Variants in P4HA1 observed in about 807,000 individuals in gnomAD.
The protein encoded by P4HA1 is prolyl 4-hydroxylase subunit alpha 1.
In P4HA1, 24 loss-of-function variants were observed where a neutral mutation model predicts 72.8. The observed-to-expected ratio is 0.33, with a 90% CI of 0.24 to 0.46. The LOEUF (loss-of-function observed/expected upper bound fraction) is 0.46. Among genes scored for constraint, P4HA1 ranks in the 20% least tolerant of loss-of-function variants. P4HA1 has a pLI of 1.00. For synonymous variants in P4HA1, 201 were observed against 218.8 expected (o/e 0.92, Z 0.72); for missense variants, 446 against 640.6 (o/e 0.70, Z 3.28).
chr10:73,051,930 A>C (rs909043353), intron 6 of P4HA1, among the ~76,000 whole-genome samples: 1 of 152,218 alleles, frequency 6.6e-6, no homozygotes, highest in Non-Finnish European at 1.5e-5. Context: ...AGATTTTTCC[A>C]AGACAGAAAA....
chr10:73,013,450 C>G (rs1385362214), intron 12 of P4HA1, among the ~76,000 whole-genome samples: 1 of 152,332 alleles, frequency 6.6e-6, no homozygotes, highest in Middle Eastern at 3.4e-3. Context: ...GACAGCCAGC[C>G]TCAACCTTAG....
At chr10:73,038,621 G>GTT in intron 9 of P4HA1, among the ~76,000 whole-genome samples, 1 of 127,626 alleles carries the variant, frequency 7.8e-6, no homozygotes, top group South Asian at 2.5e-4. Flanking sequence ...GTTTTTATTT[G>GTT]CTTTTTTTTT....
intron 5 of P4HA1, among the ~76,000 whole-genome samples, chr10:73,054,284 G>A (rs553554319): frequency 5.9e-5 from 9 of 152,250 alleles, no homozygotes; most frequent in Non-Finnish European, 7.4e-5. Context: ...AGGTAAATAC[G>A]TCAACTGGAT....
intron 10 of P4HA1, among the ~76,000 whole-genome samples, chr10:73,022,593 A>G (rs1396802818): frequency 6.6e-6 from 1 of 152,194 alleles, no homozygotes; most frequent in Non-Finnish European, 1.5e-5. Flanking sequence ...CCTCTCCTCC[A>G]AAGGACTGCA....
intron 12 of P4HA1, among the ~76,000 whole-genome samples, 154 bp from the exon 13 acceptor site, chr10:73,011,191 T>C (rs955174841): frequency 6.6e-6 from 1 of 152,120 alleles, no homozygotes; most frequent in Non-Finnish European, 1.5e-5. Context: ...TTTTCAAAAA[T>C]AAAATGCCAT....
chr10:73,037,546 TATATATATATATATATATATATA>T (rs1840611449), intron 9 of P4HA1, among the ~76,000 whole-genome samples: 1 of 27,276 alleles, frequency 3.7e-5, no homozygotes, highest in African/African-American at 1.5e-4. Flanking sequence ...TATATATATA[TATATATATATATATATATATATA>T]TATTTTTTTT....
At chr10:73,043,393 C>T (rs1840782419) in intron 9 of P4HA1, among the ~76,000 whole-genome samples, 1 of 152,234 alleles carries the variant, frequency 6.6e-6, no homozygotes, top group Non-Finnish European at 1.5e-5. Context: ...CTAAGTTACA[C>T]AGTGAGCTCT....
At chr10:73,016,424 C>A (rs555617725) in intron 11 of P4HA1, among the ~76,000 whole-genome samples, 8 of 152,194 alleles carry the variant, frequency 5.3e-5, no homozygotes, top group Non-Finnish European at 1.2e-4. Context: ...CAATGGTCCC[C>A]CCTTGAATGA....
At chr10:73,089,218 G>A (rs1841978518) in intron 1 of P4HA1, among the ~76,000 whole-genome samples, 2 of 152,064 alleles carry the variant, frequency 1.3e-5, no homozygotes, top group South Asian at 2.1e-4. Context: ...CTAATGAGAT[G>A]GGAATTTTTC....
chr10:73,026,241 C>T (rs1389501169), intron 10 of P4HA1, among the ~76,000 whole-genome samples: 9 of 152,154 alleles, frequency 5.9e-5, no homozygotes, highest in African/African-American at 1.9e-4. Context: ...TAGCATAGTA[C>T]TGGTACCAAA....
intron 9 of P4HA1, among the ~76,000 whole-genome samples, chr10:73,037,552 TATATATATATATA>T (rs1167560619): frequency 6.2e-4 from 20 of 32,370 alleles, no homozygotes; most frequent in African/African-American, 2.1e-3. Flanking sequence ...TATATATATA[TATATATATATATA>T]TATATATTTT....
intron 10 of P4HA1, among the ~76,000 whole-genome samples, chr10:73,024,630 TAACTC>T (rs1374625808): frequency 1.3e-5 from 2 of 151,746 alleles, no homozygotes; most frequent in African/African-American, 4.8e-5. Flanking sequence ...AGGCAAGAAA[TAACTC>T]AGATCAAAGC....
At chr10:73,069,115 C>T in intron 4 of P4HA1, 132 bp from the exon 5 acceptor site, 2 of 646,716 alleles carry the variant, frequency 3.1e-6, no homozygotes, top group Non-Finnish European at 5.2e-6. Context: ...ACATACTCAA[C>T]AAGAAAAAAT....
intron 9 of P4HA1, among the ~76,000 whole-genome samples, chr10:73,038,391 C>T (rs1327852055): frequency 1.3e-5 from 2 of 151,918 alleles, no homozygotes; most frequent in African/African-American, 4.8e-5. Flanking sequence ...AATCACTTTC[C>T]CACCAGAATC....
At chr10:73,060,532 CT>C (rs1444215282) in intron 5 of P4HA1, among the ~76,000 whole-genome samples, 1 of 152,034 alleles carries the variant, frequency 6.6e-6, no homozygotes, top group African/African-American at 2.4e-5. Flanking sequence ...ATGATCGCAT[CT>C]GTGAATAGCC....
chr10:73,041,689 G>C (rs1049025744), intron 9 of P4HA1, among the ~76,000 whole-genome samples: 1 of 151,928 alleles, frequency 6.6e-6, no homozygotes, highest in African/African-American at 2.4e-5. Context: ...TGAACAAACA[G>C]GCTTTGCTAA....
chr10:73,056,920 C>T (rs923364116), intron 5 of P4HA1, among the ~76,000 whole-genome samples: 8 of 151,422 alleles, frequency 5.3e-5, no homozygotes, highest in Non-Finnish European at 8.8e-5. Flanking sequence ...CTTCGCCGGG[C>T]GTGGTGGCGG....
intron 1 of P4HA1, among the ~76,000 whole-genome samples, chr10:73,078,600 AT>A (rs770821126): frequency 0.052 from 5,221 of 99,576 alleles, 46 homozygotes; most frequent in East Asian, 0.14. Context: ...GCAGTAGGTA[AT>A]TTTTTTTTTT....
chr10:73,067,241 A>G (rs1420043441), intron 5 of P4HA1, among the ~76,000 whole-genome samples: 1 of 152,164 alleles, frequency 6.6e-6, no homozygotes, highest in African/African-American at 2.4e-5. Flanking sequence ...AAATTCTACT[A>G]TTCTACTCTA....
Sources: gnomAD v4.1 joint callset for allele counts (sites outside exome capture counted in the v4.1 genomes callset) on GRCh38, gnomAD v4.1.1 for gene constraint, MANE v1.5 for transcripts, NCBI Gene and HGNC (gene_info 2026-07-23, HGNC 2026-07-21) for gene names.